The following SPATA13 variants were observed in gnomAD, a reference collection of about 807,000 sequenced individuals.
The protein encoded by SPATA13 is spermatogenesis associated 13.
Under a neutral mutation model 104.0 loss-of-function variants are expected in SPATA13, and 50 were observed. The ratio of observed to expected loss-of-function variants is 0.48; its 90% CI spans 0.38 to 0.61. The LOEUF (loss-of-function observed/expected upper bound fraction) is 0.61, where lower values mean the gene tolerates loss of function less well. Ranked by LOEUF, SPATA13 falls within the 20% of genes least tolerant of loss-of-function variation. The pLI, the probability that SPATA13 is intolerant of heterozygous loss-of-function variation, is 0.00. For missense variants in SPATA13, 1,524 were observed against 1,690.6 expected (o/e 0.90, Z 1.73); for synonymous variants, 606 against 667.5 (o/e 0.91, Z 1.42).
intron 4 of SPATA13, among the ~76,000 whole-genome samples, chr13:24,276,841 G>A (rs1254141133): frequency 6.6e-6 from 1 of 152,178 alleles, no homozygotes; most frequent in Non-Finnish European, 1.5e-5. Flanking sequence ...AACATGTAGA[G>A]GTGAAGAAGG....
intron 1 of SPATA13, among the ~76,000 whole-genome samples, chr13:24,199,513 C>T (rs1330796589): frequency 6.6e-6 from 1 of 152,232 alleles, no homozygotes; most frequent in East Asian, 1.9e-4. Context: ...CAGAATCTTT[C>T]TGCTGATTTG....
intron 3 of SPATA13, among the ~76,000 whole-genome samples, chr13:24,111,669 G>C (rs1237214101): frequency 6.6e-6 from 1 of 152,200 alleles, no homozygotes; most frequent in Non-Finnish European, 1.5e-5. Context: ...GCCTCCCAAA[G>C]TGCTGGAATT....
At chr13:24,007,145 T>C (rs867963718) in intron 2 of SPATA13, among the ~76,000 whole-genome samples, 4 of 152,192 alleles carry the variant, frequency 2.6e-5, no homozygotes, top group Non-Finnish European at 1.5e-5. Context: ...TCAGTGCCTC[T>C]CCTGATTGCC....
intron 3 of SPATA13, among the ~76,000 whole-genome samples, chr13:24,035,748 G>T (rs4304896): frequency 0.91 from 138,574 of 152,210 alleles, 63,234 homozygotes; most frequent in East Asian, 1. Context: ...GCGAGGTGGC[G>T]CACACCTGTT....
chr13:24,144,481 C>T (rs914460571), intron 3 of SPATA13, among the ~76,000 whole-genome samples: 3 of 152,132 alleles, frequency 2.0e-5, no homozygotes, highest in African/African-American at 7.2e-5. Context: ...ATTTAAGAAG[C>T]GTTGGAGGAT....
chr13:24,130,319 G>A (rs1881353804), intron 3 of SPATA13, among the ~76,000 whole-genome samples: 1 of 152,186 alleles, frequency 6.6e-6, no homozygotes, highest in Non-Finnish European at 1.5e-5. Flanking sequence ...TTCCCAGTGT[G>A]AGCTGATGTA....
chr13:24,148,316 C>T (rs193058017), intron 3 of SPATA13, among the ~76,000 whole-genome samples: 3 of 152,136 alleles, frequency 2.0e-5, no homozygotes, highest in East Asian at 1.9e-4. Flanking sequence ...TCATGAGCCC[C>T]GTTGTCTTTT....
At chr13:24,195,149 T>C (rs1869981571) in intron 1 of SPATA13, among the ~76,000 whole-genome samples, 1 of 152,158 alleles carries the variant, frequency 6.6e-6, no homozygotes, top group South Asian at 2.1e-4. Context: ...CTGACCTGCC[T>C]CCTGTCTCTA....
chr13:24,146,860 G>A (rs1187188021), intron 3 of SPATA13, among the ~76,000 whole-genome samples: 11 of 106,452 alleles, frequency 1.0e-4, no homozygotes, highest in African/African-American at 2.5e-4. Flanking sequence ...ATCCGTCCCC[G>A]CCCCACCCCT....
intron 4 of SPATA13, chr13:24,270,742 C>T: frequency 1.9e-6 from 3 of 1,565,492 alleles, no homozygotes; most frequent in Non-Finnish European, 2.6e-6. Context: ...AGTGAATAAG[C>T]GATTTCTGCA....
chr13:24,027,151 T>C (rs1407490714), intron 3 of SPATA13, among the ~76,000 whole-genome samples: 2 of 148,616 alleles, frequency 1.3e-5, no homozygotes, highest in East Asian at 3.9e-4. Flanking sequence ...TTTTTTTTTT[T>C]TGAGACGGAG....
At chr13:24,280,663 G>A (rs1284816815) in intron 4 of SPATA13, among the ~76,000 whole-genome samples, 1 of 152,066 alleles carries the variant, frequency 6.6e-6, no homozygotes, top group African/African-American at 2.4e-5. Context: ...AGGATATCTC[G>A]GCCAGTAAGC....
intron 1 of SPATA13, among the ~76,000 whole-genome samples, chr13:24,199,246 G>A (rs1028125107): frequency 4.6e-5 from 7 of 152,112 alleles, no homozygotes; most frequent in Non-Finnish European, 8.8e-5. Context: ...CAGCACCCAC[G>A]CCAGCTGCAA....
intron 2 of SPATA13, among the ~76,000 whole-genome samples, chr13:23,999,024 C>T (rs1174698305): frequency 2.0e-5 from 3 of 150,476 alleles, no homozygotes; most frequent in African/African-American, 7.3e-5. Context: ...CTCCCATGTT[C>T]AAGCAATTCT....
At chr13:24,061,068 G>A (rs1279626554) in intron 3 of SPATA13, among the ~76,000 whole-genome samples, 1 of 152,120 alleles carries the variant, frequency 6.6e-6, no homozygotes, top group Non-Finnish European at 1.5e-5. Flanking sequence ...CAAATGACAT[G>A]AACAGACACT....
intron 1 of SPATA13, among the ~76,000 whole-genome samples, chr13:24,167,398 CA>C (rs1276577691): frequency 6.6e-6 from 1 of 152,180 alleles, no homozygotes; most frequent in Non-Finnish European, 1.5e-5. Context: ...GGTGGATCTG[CA>C]CAGCTAATTC....
intron 1 of SPATA13, among the ~76,000 whole-genome samples, chr13:24,203,539 T>C (rs1870539534): frequency 6.6e-6 from 1 of 152,166 alleles, no homozygotes; most frequent in South Asian, 2.1e-4. Flanking sequence ...GGATTGGATG[T>C]GACATGTAAG....
At chr13:24,237,762 T>G (rs551328720) in intron 2 of SPATA13, among the ~76,000 whole-genome samples, 6 of 151,824 alleles carry the variant, frequency 4.0e-5, no homozygotes, top group East Asian at 1.9e-4. Context: ...GCCAAGAGTC[T>G]GAGACCAGCC....
rs35494448 is a variant in SPATA13, at chr13:24,219,003, CAA to C, written c.-111-3799_-111-3798del. On this transcript the variant is annotated intron_variant, in intron 1 of 12. Coordinates refer to ENST00000382108, the MANE Select transcript of SPATA13 (RefSeq NM_001166271.3). ...TTTTGGTGCAAATTCTCATTATCAC[CAA>C]AAAAAAAAAAAAAAAAGTTTCATTC... 2.0e-3 allele frequency among the ~76,000 whole-genome samples: 221 copies of C among 110,488 alleles called. 1 individual carries two copies. The highest frequency in any genetic ancestry group is 6.3e-3 in the African/African-American group (190 of 30,088). 72.5% of individuals were successfully genotyped at this position (110,488 alleles called of 152,430 possible). A position where few individuals can be genotyped will look rare whatever the true frequency, so the allele number is the denominator to read the frequency against.
Sources: gnomAD v4.1 joint callset for allele counts (sites outside exome capture counted in the v4.1 genomes callset) on GRCh38, gnomAD v4.1.1 for gene constraint, MANE v1.5 for transcripts, NCBI Gene and HGNC (gene_info 2026-07-23, HGNC 2026-07-21) for gene names.